The following DENND2B variants were observed in gnomAD, a reference collection of about 807,000 sequenced individuals.
DENND2B encodes DENN domain-containing protein 2B.
In DENND2B, 32 loss-of-function variants were observed where a neutral mutation model predicts 116.0. The ratio of observed to expected loss-of-function variants is 0.28; its 90% confidence interval spans 0.21 to 0.37. The LOEUF (loss-of-function observed/expected upper bound fraction) is 0.37. DENND2B is among the 10% of genes least tolerant of loss of function. The probability of loss-of-function intolerance (pLI) is 1.00; values close to 1 mark genes in which losing one functional copy is unlikely to be tolerated. For missense variants in DENND2B, 1,276 were observed against 1,477.7 expected, an observed-to-expected ratio of 0.86 and a Z score of 2.24; for synonymous variants, 588 against 583.9, an observed-to-expected ratio of 1.01 and a Z score of -0.10.
At chr11:8,810,994 C>T (rs766019237), upstream of DENND2B, 1 of 294,900 alleles carries the variant, frequency 3.4e-6, no homozygotes, top group Non-Finnish European at 6.2e-6. Flanking sequence ...AGGGAGAAGA[C>T]AGTGAGTGGA....
rs544774355 is a variant in DENND2B at position 8,734,066 on chromosome 11, A to G, written c.81-2857T>C. ...TGACCTGAAGCCCCATATCACAGAG[A>G]AGGCACCAGTCACTCATTCCAAGGT... On this transcript the variant is annotated intron_variant, in intron 2 of 19. Coordinates refer to ENST00000313726, the MANE Select transcript of DENND2B (RefSeq NM_213618.2). Among the ~76,000 whole-genome samples, 22 of 152,284 alleles carry G rather than the reference A, an allele frequency of 1.4e-4. No individual in the cohort carries two copies. In the South Asian group the frequency reaches 4.6e-3, roughly 32 times the overall value.
At chr11:8,904,379 C>T (rs2064209167) in intron 1 of DENND2B, among the ~76,000 whole-genome samples, 2 of 152,142 alleles carry the variant, frequency 1.3e-5, no homozygotes, top group African/African-American at 4.8e-5. Context: ...AACTTCTTCT[C>T]AACCTGAAGA....
Position 8,730,980 on chromosome 11 carries a change from T to G in DENND2B, c.310A>C (p.Arg104=). Residue 104 remains arginine, a synonymous_variant, in exon 3 of 20, where the codon AGA becomes CGA. Coordinates refer to ENST00000313726, the MANE Select transcript of DENND2B (RefSeq NM_213618.2). This position sits in a 1 kb window ranked among gnomAD's most constrained non-coding sequence, Gnocchi z 4.1. ...FKTASFGYLD[R]SPSACKRDAQ... is the part of the protein sequence containing the mutation. The stretch of plus-strand genomic sequence containing the variant: ...TCTCTCTTGCACGCCGAAGGGCTTC[T>G]GTCCAAATAACCGAAGCTGGCGGTC... The G allele has an allele frequency of 6.2e-7, 1 of 1,614,236 alleles. No individual in the cohort carries two copies. The highest frequency in any genetic ancestry group is 8.5e-7 in the Non-Finnish European group (1 of 1,180,044).
upstream of DENND2B, chr11:8,810,798 T>TCTCTCTCTCTCTC (rs1247782848): frequency 5.2e-5 from 7 of 134,758 alleles, no homozygotes; most frequent in Non-Finnish European, 9.2e-5. Context: ...TTTTCTTTCT[T>TCTCTCTCTCTCTC]TCTCACTGTC....
chr11:8,726,526 A>C (rs566858886), intron 3 of DENND2B, among the ~76,000 whole-genome samples: 1 of 152,366 alleles, frequency 6.6e-6, no homozygotes, highest in East Asian at 1.9e-4. Flanking sequence ...TCTTCACAAC[A>C]GTGCCACCAG....
chr11:8,796,948 T>TA (rs1232610267), intron 1 of DENND2B, among the ~76,000 whole-genome samples: 1 of 151,846 alleles, frequency 6.6e-6, no homozygotes, highest in African/African-American at 2.4e-5. Flanking sequence ...CAGAGAAAGC[T>TA]AAAAAAAACT....
chr11:8,826,115 C>T (rs925888070), intron 4 of DENND2B, among the ~76,000 whole-genome samples: 5 of 152,120 alleles, frequency 3.3e-5, no homozygotes, highest in Non-Finnish European at 4.4e-5. Context: ...AGAAAACTAC[C>T]GCTTTTATCC....
intron 2 of DENND2B, among the ~76,000 whole-genome samples, chr11:8,862,408 C>T (rs2063427916): frequency 6.9e-6 from 1 of 144,788 alleles, no homozygotes; most frequent in Non-Finnish European, 1.5e-5. Context: ...CGACTCACTG[C>T]AATCTCAACC....
Position 8,714,713 on chromosome 11 carries a change from G to A in DENND2B, c.1846-7C>T, listed in dbSNP as rs370599945. 40 of 1,613,662 alleles carry A rather than the reference G, an allele frequency of 2.5e-5. No individual in the cohort carries two copies. In the East Asian group the frequency reaches 7.6e-4, roughly 31 times the overall value. On this transcript the variant is annotated splice_polypyrimidine_tract_variant and splice_region_variant and intron_variant, in intron 6 of 19. Transcript: ENST00000313726. ...AGTTAATTCTTTGGACAAGCTGGGT[G>A]AGAAAAGCAGGATGGGTGAGGTAAC... is the stretch of plus-strand genomic sequence containing the variant.
intron 17 of DENND2B, 108 bp downstream of exon 17, chr11:8,697,417 G>A: frequency 1.2e-6 from 1 of 804,918 alleles, no homozygotes; most frequent in Non-Finnish European, 2.1e-6. Flanking sequence ...GTCCTCATCA[G>A]CCAGAAAGGG....
At chr11:8,694,480 C>G in intron 19 of DENND2B, 1 of 468,172 alleles carries the variant, frequency 2.1e-6, no homozygotes, top group Non-Finnish European at 4.2e-6. Context: ...CTGTTATGGT[C>G]TAGAGGAAAG....
intron 13 of DENND2B, among the ~76,000 whole-genome samples, chr11:8,706,010 G>A (rs2042533855): frequency 6.6e-6 from 1 of 152,178 alleles, no homozygotes; most frequent in Non-Finnish European, 1.5e-5. Context: ...TTTGGGAGGG[G>A]GAGGTGGGAG....
chr11:8,810,380 A>G (rs75302894), intron 1 of DENND2B, 137 bp downstream of exon 1: 73 of 152,320 alleles, frequency 4.8e-4, no homozygotes, highest in East Asian at 1.5e-3. Context: ...ATAGAATCCA[A>G]CTGTTGGAGC....
At chr11:8,870,137 C>G (rs2063726092) in intron 2 of DENND2B, among the ~76,000 whole-genome samples, 1 of 152,150 alleles carries the variant, frequency 6.6e-6, no homozygotes, top group Non-Finnish European at 1.5e-5. Flanking sequence ...GCAGAAACAC[C>G]TGGTTGGTAA....
At chr11:8,836,936 G>C (rs756267114) in intron 4 of DENND2B, among the ~76,000 whole-genome samples, 52 of 152,216 alleles carry the variant, frequency 3.4e-4, no homozygotes, top group Admixed American at 5.9e-4. Flanking sequence ...GACTGGTCTG[G>C]AACTCCTGGG....
At chr11:8,703,448 G>T in intron 13 of DENND2B, 1 of 152,522 alleles carries the variant, frequency 6.6e-6, no homozygotes. Context: ...CACTTCTCTG[G>T]GGGAGTCACA....
intron 1 of DENND2B, among the ~76,000 whole-genome samples, chr11:8,804,898 C>G (rs1472711475): frequency 6.6e-6 from 1 of 152,150 alleles, no homozygotes; most frequent in Non-Finnish European, 1.5e-5. Flanking sequence ...TAACATCAAC[C>G]TGTTTGAGAG....
upstream of DENND2B, among the ~76,000 whole-genome samples, chr11:8,812,485 GA>G (rs2061425519): frequency 6.6e-6 from 1 of 152,020 alleles, no homozygotes; most frequent in African/African-American, 2.4e-5. Context: ...TAATTTAACA[GA>G]TTTTTTTTTT....
chr11:8,849,897 G>A (rs2062948690), intron 3 of DENND2B, among the ~76,000 whole-genome samples: 1 of 150,980 alleles, frequency 6.6e-6, no homozygotes, highest in Non-Finnish European at 1.5e-5. Context: ...CACTTTGGGA[G>A]GCCAAGGCAG....
Sources: gnomAD v4.1 joint callset for allele counts (sites outside exome capture counted in the v4.1 genomes callset) on GRCh38, gnomAD v4.1.1 for gene constraint, Gnocchi (gnomAD v3.1) non-coding constraint, MANE v1.5 for transcripts, NCBI Gene and HGNC (gene_info 2026-07-23, HGNC 2026-07-21) for gene names.